Variants in KIF21A observed in about 807,000 individuals in gnomAD.
The protein encoded by KIF21A is kinesin-like protein KIF21A.
Under a neutral mutation model 202.9 loss-of-function variants are expected in KIF21A, and 114 were observed. That is an observed-to-expected ratio of 0.56 (90% CI 0.48 to 0.66). The LOEUF (loss-of-function observed/expected upper bound fraction) is 0.66. Among genes scored for constraint, KIF21A ranks in the 30% least tolerant of loss-of-function variants. KIF21A has a pLI of 0.00. For synonymous variants in KIF21A, 667 were observed against 670.8 expected (o/e 0.99, Z 0.09); for missense variants, 1,677 against 1,994.9 (o/e 0.84, Z 3.04).
chr12:39,431,294 G>A (rs1937862225), intron 1 of KIF21A, among the ~76,000 whole-genome samples: 1 of 152,192 alleles, frequency 6.6e-6, no homozygotes, highest in Non-Finnish European at 1.5e-5. Flanking sequence ...TGGGACAAAA[G>A]GGGACAAGTT....
intron 1 of KIF21A, among the ~76,000 whole-genome samples, chr12:39,371,628 C>T (rs1394172736): frequency 3.3e-5 from 5 of 151,998 alleles, no homozygotes; most frequent in African/African-American, 1.2e-4. Flanking sequence ...GGAAGAAAGG[C>T]AAGACAACCA....
chr12:39,318,077 C>T lies in KIF21A; in HGVS notation c.3904G>A (p.Asp1302Asn). Residue 1302 changes from aspartate to asparagine, a missense_variant, in exon 29 of 38, where the codon GAT (aspartate) becomes AAT (asparagine). Asp to Asn is a conservative substitution (Grantham distance 23, BLOSUM62 1). This residue lies in a region of KIF21A where 705 missense variants were observed against 791.9 expected (regional missense o/e 0.89). Transcript: ENST00000361418. ...VSQGNTSVQQ[D>N]KSDESDSSLS... is the part of the protein sequence containing the mutation. ...CTCTTTTCCATAATGACTTACTTAT[C>T]CTGCTGAACTGATGTGTTTCCCTGA... 1 of 1,612,402 alleles carries T rather than the reference C, an allele frequency of 6.2e-7. No homozygotes were observed. The highest frequency in any genetic ancestry group is 1.3e-5 in the African/African-American group (1 of 74,950).
intron 1 of KIF21A, among the ~76,000 whole-genome samples, chr12:39,383,329 A>G (rs1019415409): frequency 3.9e-5 from 6 of 152,258 alleles, no homozygotes; most frequent in African/African-American, 1.2e-4. Flanking sequence ...TTTTTGAACC[A>G]TAATGAGTTG....
intron 6 of KIF21A, among the ~76,000 whole-genome samples, chr12:39,363,609 C>T (rs529894230): frequency 1.4e-3 from 209 of 152,150 alleles, no homozygotes; most frequent in Non-Finnish European, 2.6e-3. Flanking sequence ...TGCAAATTTT[C>T]GTTTTGCAAT....
chr12:39,313,758 G>T (rs528396650), intron 31 of KIF21A, among the ~76,000 whole-genome samples: 95 of 151,916 alleles, frequency 6.3e-4, no homozygotes, highest in African/African-American at 1.8e-3. Context: ...TTGTTTAATA[G>T]AAATAAATAT....
chr12:39,320,367 G>GT (rs1945077625), intron 27 of KIF21A, among the ~76,000 whole-genome samples: 1 of 151,878 alleles, frequency 6.6e-6, no homozygotes, highest in Non-Finnish European at 1.5e-5. Flanking sequence ...TTATAGTTTT[G>GT]TAAGAACAAA....
At chr12:39,403,599 C>T (rs1011719278) in intron 1 of KIF21A, among the ~76,000 whole-genome samples, 7 of 152,026 alleles carry the variant, frequency 4.6e-5, no homozygotes, top group African/African-American at 1.7e-4. Flanking sequence ...AGCCTGTTTC[C>T]CAGTACATGA....
intron 33 of KIF21A, 95 bp downstream of exon 33, chr12:39,309,491 A>C (rs961178431): frequency 3.4e-6 from 3 of 888,420 alleles, no homozygotes; most frequent in East Asian, 5.3e-5. Flanking sequence ...AAAAATTAAA[A>C]TGCATTTATA....
intron 16 of KIF21A, among the ~76,000 whole-genome samples, chr12:39,337,852 G>A (rs181697512): frequency 7.2e-5 from 11 of 152,212 alleles, no homozygotes; most frequent in African/African-American, 2.4e-4. Context: ...CACTACACCC[G>A]TTTGCAGTAG....
chr12:39,308,724 A>T (rs1943717002), intron 33 of KIF21A, among the ~76,000 whole-genome samples: 1 of 152,170 alleles, frequency 6.6e-6, no homozygotes. Flanking sequence ...TTTCAAATTT[A>T]ACTTCAGTGA....
intron 26 of KIF21A, among the ~76,000 whole-genome samples, chr12:39,324,382 A>T (rs1945629540): frequency 6.6e-6 from 1 of 152,232 alleles, no homozygotes; most frequent in Non-Finnish European, 1.5e-5. Flanking sequence ...AGGCTTTCTC[A>T]GAGCCTGAAA....
rs1947451013 is a variant in KIF21A at position 39,341,605 on chromosome 12, C to G, written c.1821G>C (p.Val607=). Residue 607 remains valine (V), a synonymous_variant, in exon 14 of 38, where the codon GTG becomes GTC. Coordinates refer to ENST00000361418, the MANE Select transcript of KIF21A (RefSeq NM_001173464.2). ...CCTCTTCTTCATCCTCATGATCACT[C>G]ACTTCTTGACTTTCTTCCTAAAATG... ...NELEVEESQE[V]SDHEDEEEEE... 6.2e-7 allele frequency: 1 copy of G among 1,609,660 alleles called. No homozygotes were observed. The highest frequency in any genetic ancestry group is 2.2e-5 in the East Asian group (1 of 44,760).
At chr12:39,345,710 A>G (rs536534523) in intron 12 of KIF21A, among the ~76,000 whole-genome samples, 10 of 151,972 alleles carry the variant, frequency 6.6e-5, no homozygotes, top group African/African-American at 2.4e-4. Context: ...TAATCTAGAG[A>G]TTTGTTTAGG....
intron 34 of KIF21A, among the ~76,000 whole-genome samples, chr12:39,305,368 G>GAAAAA (rs539400060): frequency 1.3e-5 from 1 of 78,792 alleles, no homozygotes; most frequent in Admixed American, 1.6e-4. Flanking sequence ...TCCGACTCAA[G>GAAAAA]AAAAAAAAAA....
chr12:39,400,435 C>T (rs907129321), intron 1 of KIF21A, among the ~76,000 whole-genome samples: 1 of 152,104 alleles, frequency 6.6e-6, no homozygotes, highest in Non-Finnish European at 1.5e-5. Flanking sequence ...TGCTCTACCT[C>T]CCCTCACCCC....
chr12:39,332,476 C>CATGGG, intron 20 of KIF21A, 68 bp from the exon 21 acceptor site: 1 of 1,196,856 alleles, frequency 8.4e-7, no homozygotes, highest in African/African-American at 1.6e-5. Flanking sequence ...CCATCAAACC[C>CATGGG]CCCCACCCCC....
chr12:39,399,463 C>A (rs980225927), intron 1 of KIF21A, among the ~76,000 whole-genome samples: 1 of 152,186 alleles, frequency 6.6e-6, no homozygotes, highest in Admixed American at 6.5e-5. Flanking sequence ...ATGGAAGGAA[C>A]AAGAGAAATC....
intron 7 of KIF21A, among the ~76,000 whole-genome samples, chr12:39,362,759 C>G (rs564623697): frequency 6.6e-6 from 1 of 152,128 alleles, no homozygotes; most frequent in African/African-American, 2.4e-5. Context: ...CTATTCTGTG[C>G]TAAGTACTTA....
At chr12:39,370,311 A>C in intron 1 of KIF21A, 50 bp from the exon 2 acceptor site, 1 of 1,416,010 alleles carries the variant, frequency 7.1e-7, no homozygotes, top group Non-Finnish European at 9.9e-7. Context: ...GGCAAAAAAA[A>C]ACCTCTCAAA....
Sources: gnomAD v4.1 joint callset for allele counts (sites outside exome capture counted in the v4.1 genomes callset) on GRCh38, gnomAD v4.1.1 for gene constraint, gnomAD v4.1.1 regional missense constraint, MANE v1.5 for transcripts, NCBI Gene and HGNC (gene_info 2026-07-23, HGNC 2026-07-21) for gene names.